DNAH14: variants seen among roughly 807,000 people sequenced by gnomAD.
DNAH14 encodes dynein axonemal heavy chain 14.
In DNAH14, 478 loss-of-function variants were observed where a neutral mutation model predicts 520.9. The observed-to-expected ratio is 0.92, with a 90% CI of 0.85 to 0.99. DNAH14 has a LOEUF of 0.99. DNAH14 is among the 50% of genes least tolerant of loss of function. The pLI is 0.00. For missense variants in DNAH14, 4,831 were observed against 5,234.5 expected (o/e 0.92, Z 2.38); for synonymous variants, 1,581 against 1,757.2 (o/e 0.90, Z 2.51).
intron 8 of DNAH14, among the ~76,000 whole-genome samples, chr1:224,997,690 T>C (rs548085896): frequency 7.2e-5 from 11 of 152,252 alleles, no homozygotes; most frequent in East Asian, 1.9e-4. Flanking sequence ...GCCTGGAGAT[T>C]GCTTCTTTGG....
intron 10 of DNAH14, among the ~76,000 whole-genome samples, chr1:225,012,277 C>T (rs1004329621): frequency 6.6e-6 from 1 of 152,108 alleles, no homozygotes; most frequent in Non-Finnish European, 1.5e-5. Context: ...TGAATATTGG[C>T]CCCCACTCTA....
At chr1:225,277,091 G>A (rs1292425244) in intron 53 of DNAH14, among the ~76,000 whole-genome samples, 1 of 102,958 alleles carries the variant, frequency 9.7e-6, no homozygotes, top group Non-Finnish European at 2.0e-5. Flanking sequence ...AAATGGCAAG[G>A]GGGGAGGGGG....
chr1:225,164,415 T>C (rs2081844858), intron 35 of DNAH14, among the ~76,000 whole-genome samples: 1 of 152,194 alleles, frequency 6.6e-6, no homozygotes, highest in African/African-American at 2.4e-5. Flanking sequence ...GTCTATCTTA[T>C]AGGACATATA....
rs145639101 is a variant in DNAH14 at position 225,190,006 on chromosome 1, C to T, written c.5671-2690C>T. ...ACTGTTAGGGTCTGAATTGTGTCCC[C>T]CCCACCCAAAATTCATGTGTTAAAT... On this transcript the variant is annotated intron_variant, in intron 37 of 85. Coordinates refer to ENST00000682510, the MANE Select transcript of DNAH14 (RefSeq NM_001367479.1). 6.0e-3 allele frequency among the ~76,000 whole-genome samples: 905 copies of T among 151,836 alleles called. 4 individuals are homozygous for T. The highest frequency in any genetic ancestry group is 9.3e-3 in the Non-Finnish European group (634 of 67,858).
chr1:225,044,499 A>G lies in DNAH14; in HGVS notation c.1912+516A>G, dbSNP rs541383417. Among the ~76,000 whole-genome samples, 17 of 152,144 alleles carry G rather than the reference A, an allele frequency of 1.1e-4. 1 individual carries two copies. The South Asian group carries it at 3.5e-3, about 32-fold the overall frequency. On this transcript the variant is annotated intron_variant, in intron 15 of 85. Coordinates refer to ENST00000682510, the MANE Select transcript of DNAH14 (RefSeq NM_001367479.1). ...CCAGTCATGTCACCATAGTTTGCTGAGTTCAGAGGGCCCCTATTTCCAAGC... is the reference window on the plus strand; with the variant it reads ...CCAGTCATGTCACCATAGTTTGCTGGGTTCAGAGGGCCCCTATTTCCAAGC...
chr1:225,283,044 TAGA>T (rs2093660609), intron 54 of DNAH14, among the ~76,000 whole-genome samples: 1 of 151,566 alleles, frequency 6.6e-6, no homozygotes, highest in South Asian at 2.1e-4. Flanking sequence ...GTAAAAAAAT[TAGA>T]AGAGAACTAA....
At chr1:224,975,772 T>C (rs1255611267) in intron 8 of DNAH14, among the ~76,000 whole-genome samples, 4 of 151,436 alleles carry the variant, frequency 2.6e-5, no homozygotes, top group African/African-American at 9.8e-5. Flanking sequence ...CTGCTAGCTT[T>C]TGATTGTGTT....
At chr1:225,280,839 C>G (rs553545730) in intron 54 of DNAH14, among the ~76,000 whole-genome samples, 1 of 152,152 alleles carries the variant, frequency 6.6e-6, no homozygotes, top group African/African-American at 2.4e-5. Flanking sequence ...ATTGGAGCAG[C>G]ATATTCAAAG....
At chr1:225,172,705 T>G (rs1217819656) in intron 36 of DNAH14, among the ~76,000 whole-genome samples, 1 of 152,210 alleles carries the variant, frequency 6.6e-6, no homozygotes, top group African/African-American at 2.4e-5. Flanking sequence ...AATTTATAGA[T>G]TCAATGCCAT....
chr1:224,993,237 C>T (rs2063174232), intron 8 of DNAH14, among the ~76,000 whole-genome samples: 1 of 151,984 alleles, frequency 6.6e-6, no homozygotes, highest in Non-Finnish European at 1.5e-5. Context: ...AGTTTGGAGG[C>T]ATTCTCTTTC....
chr1:225,260,513 G>T (rs564722899), intron 46 of DNAH14, among the ~76,000 whole-genome samples: 3 of 152,182 alleles, frequency 2.0e-5, no homozygotes, highest in Non-Finnish European at 2.9e-5. Context: ...TGTTTCATTG[G>T]TCTATATGTT....
intron 17 of DNAH14, 85 bp downstream of exon 17, chr1:225,051,880 G>A (rs1301550164): frequency 9.4e-6 from 9 of 957,830 alleles, no homozygotes; most frequent in Non-Finnish European, 1.3e-5. Flanking sequence ...GAGAATATAT[G>A]ATATCATGTC....
intron 1 of DNAH14, among the ~76,000 whole-genome samples, chr1:224,934,760 A>C (rs1211854292): frequency 6.6e-6 from 1 of 151,924 alleles, no homozygotes; most frequent in Non-Finnish European, 1.5e-5. Flanking sequence ...CAAAGATAGA[A>C]TCTTAAAAAC....
At chr1:224,979,210 T>C (rs1020180086) in intron 8 of DNAH14, among the ~76,000 whole-genome samples, 1 of 152,156 alleles carries the variant, frequency 6.6e-6, no homozygotes, top group African/African-American at 2.4e-5. Flanking sequence ...TAACTTCATA[T>C]TGCTGAAAGA....
At chr1:225,303,060 A>C in intron 56 of DNAH14, 96 bp from the exon 57 acceptor site, 3 of 945,046 alleles carry the variant, frequency 3.2e-6, no homozygotes, top group Non-Finnish European at 4.6e-6. Context: ...CCACTAAGGA[A>C]AGATCTGAAA....
At chr1:225,307,993 C>T (rs1404680033) in intron 59 of DNAH14, among the ~76,000 whole-genome samples, 8 of 152,182 alleles carry the variant, frequency 5.3e-5, no homozygotes, top group Admixed American at 5.2e-4. Context: ...GGCAATATCC[C>T]AGTGGCAGAC....
intron 1 of DNAH14, among the ~76,000 whole-genome samples, chr1:224,946,331 G>T (rs1301848350): frequency 6.6e-6 from 1 of 152,188 alleles, no homozygotes; most frequent in Non-Finnish European, 1.5e-5. Flanking sequence ...CATTTGCTAA[G>T]ACTGTTGGAA....
At chr1:225,000,329 GA>G (rs1469937006) in intron 8 of DNAH14, among the ~76,000 whole-genome samples, 8 of 152,178 alleles carry the variant, frequency 5.3e-5, no homozygotes, top group African/African-American at 1.9e-4. Flanking sequence ...TTAGTTTTCA[GA>G]AGTTTGACTT....
intron 60 of DNAH14, among the ~76,000 whole-genome samples, chr1:225,309,738 C>T (rs1332129949): frequency 6.6e-6 from 1 of 152,040 alleles, no homozygotes; most frequent in Non-Finnish European, 1.5e-5. Context: ...ACTAAAAATA[C>T]AAAAATTAGC....
Sources: gnomAD v4.1 joint callset for allele counts (sites outside exome capture counted in the v4.1 genomes callset) on GRCh38, gnomAD v4.1.1 for gene constraint, MANE v1.5 for transcripts, NCBI Gene and HGNC (gene_info 2026-07-23, HGNC 2026-07-21) for gene names.